QTMAN: variants seen among roughly 807,000 people sequenced by gnomAD.
The protein encoded by QTMAN is queuosine-tRNA mannosyltransferase.
At chr2:144,077,755 T>A in the QTMAN span, among the ~76,000 whole-genome samples, 1 of 152,212 alleles carries the variant, frequency 6.6e-6, no homozygotes, top group East Asian at 1.9e-4. Context: ...GGCTGTTGTA[T>A]TTTAAACTGT....
At chr2:144,061,966 C>CA in the QTMAN span, among the ~76,000 whole-genome samples, 1 of 152,138 alleles carries the variant, frequency 6.6e-6, no homozygotes, top group Non-Finnish European at 1.5e-5. Context: ...ATCCCCTCTC[C>CA]AGCTTTCCAT....
chr2:144,100,971 GC>G, the QTMAN span, among the ~76,000 whole-genome samples: 3 of 143,498 alleles, frequency 2.1e-5, no homozygotes, highest in African/African-American at 7.9e-5. Flanking sequence ...CCGGGTTGAT[GC>G]CATTCTCCTG....
At chr2:144,131,056 A>G in the QTMAN span, among the ~76,000 whole-genome samples, 1 of 151,996 alleles carries the variant, frequency 6.6e-6, no homozygotes, top group Non-Finnish European at 1.5e-5. Context: ...ATAAGAAACA[A>G]TTATATTTAT....
the QTMAN span, among the ~76,000 whole-genome samples, chr2:144,332,187 C>T: frequency 6.6e-6 from 1 of 151,870 alleles, no homozygotes; most frequent in Non-Finnish European, 1.5e-5. Context: ...CGGCGTGACG[C>T]CCCATTCCGA....
At chr2:144,107,741 C>A in the QTMAN span, among the ~76,000 whole-genome samples, 1 of 152,162 alleles carries the variant, frequency 6.6e-6, no homozygotes, top group Non-Finnish European at 1.5e-5. Context: ...GTATTCCTCC[C>A]TAACTCATTT....
chr2:144,175,381 A>C, the QTMAN span, among the ~76,000 whole-genome samples: 1 of 152,132 alleles, frequency 6.6e-6, no homozygotes, highest in Non-Finnish European at 1.5e-5. Context: ...TAGACACACA[A>C]AAGTCTGCCA....
the QTMAN span, among the ~76,000 whole-genome samples, chr2:144,314,439 G>A: frequency 1.3e-5 from 2 of 152,172 alleles, no homozygotes; most frequent in African/African-American, 4.8e-5. Context: ...GGGGCCAGAC[G>A]CAGTGGCTGA....
chr2:144,096,029 G>C, the QTMAN span, among the ~76,000 whole-genome samples: 1 of 152,096 alleles, frequency 6.6e-6, no homozygotes, highest in South Asian at 2.1e-4. Flanking sequence ...ATCTACACAA[G>C]AACAAGATAC....
At chr2:143,940,506 A>G in the QTMAN span, 1 of 152,190 alleles carries the variant, frequency 6.6e-6, no homozygotes, top group Non-Finnish European at 1.5e-5. Flanking sequence ...AAAGCCCCTT[A>G]TTTTCAGAAA....
At chr2:144,058,139 C>A in the QTMAN span, among the ~76,000 whole-genome samples, 2 of 119,334 alleles carry the variant, frequency 1.7e-5, no homozygotes, top group African/African-American at 9.2e-5. Flanking sequence ...GCTAAACACA[C>A]ACACACACAC....
the QTMAN span, among the ~76,000 whole-genome samples, chr2:144,214,765 C>T: frequency 2.0e-5 from 3 of 152,242 alleles, no homozygotes; most frequent in South Asian, 6.2e-4. Flanking sequence ...ACTCATACGC[C>T]ATACTTTCTG....
the QTMAN span, among the ~76,000 whole-genome samples, chr2:144,128,937 C>G: frequency 6.6e-6 from 1 of 151,636 alleles, no homozygotes; most frequent in Admixed American, 6.6e-5. Context: ...ACCCCCCACC[C>G]CTTGTCTTCT....
At chr2:144,063,913 G>A in the QTMAN span, among the ~76,000 whole-genome samples, 1 of 152,138 alleles carries the variant, frequency 6.6e-6, no homozygotes, top group African/African-American at 2.4e-5. Flanking sequence ...CAGGCCAAGT[G>A]TCATTATTGT....
the QTMAN span, among the ~76,000 whole-genome samples, chr2:144,172,217 T>C: frequency 1.3e-5 from 2 of 152,292 alleles, no homozygotes; most frequent in South Asian, 4.1e-4. Flanking sequence ...TTTAAATTGC[T>C]TAAATTGAAT....
the QTMAN span, among the ~76,000 whole-genome samples, chr2:144,062,776 T>C: frequency 1.3e-5 from 2 of 152,212 alleles, no homozygotes; most frequent in African/African-American, 4.8e-5. Flanking sequence ...TAGAGATCAG[T>C]AGCCTCAATT....
the QTMAN span, among the ~76,000 whole-genome samples, chr2:144,284,171 GA>G: frequency 6.6e-6 from 1 of 151,880 alleles, no homozygotes; most frequent in Admixed American, 6.6e-5. Flanking sequence ...ATACTTTGTG[GA>G]AAGAAATATA....
the QTMAN span, among the ~76,000 whole-genome samples, chr2:144,322,568 T>C: frequency 1.3e-5 from 2 of 152,142 alleles, no homozygotes; most frequent in Admixed American, 6.5e-5. Context: ...ATTCAATCTG[T>C]TGTGCTATGT....
At chr2:144,126,285 T>C in the QTMAN span, among the ~76,000 whole-genome samples, 5 of 144,666 alleles carry the variant, frequency 3.5e-5, no homozygotes, top group East Asian at 9.9e-4. Flanking sequence ...CTTGTGAACT[T>C]AAAAAAAAAA....
At chr2:144,208,599 T>C in the QTMAN span, 4 of 1,609,988 alleles carry the variant, frequency 2.5e-6, no homozygotes, top group South Asian at 1.1e-5. Context: ...TGAGCTCTAA[T>C]TACCTGTAAT....
Sources: gnomAD v4.1 joint callset for allele counts (sites outside exome capture counted in the v4.1 genomes callset) on GRCh38, gnomAD v4.1.1 for gene constraint, MANE v1.5 for transcripts, NCBI Gene and HGNC (gene_info 2026-07-23, HGNC 2026-07-21) for gene names.